The following KIF21A variants were observed in gnomAD, a reference collection of about 807,000 sequenced individuals.
The protein encoded by KIF21A is kinesin-like protein KIF21A.
In KIF21A, 114 loss-of-function variants were observed where a neutral mutation model predicts 202.9. That is an observed-to-expected ratio of 0.56 (90% CI 0.48 to 0.66). KIF21A has a LOEUF of 0.66. Among genes scored for constraint, KIF21A ranks in the 30% least tolerant of loss-of-function variants. KIF21A has a pLI of 0.00. For synonymous variants in KIF21A, 667 were observed against 670.8 expected (o/e 0.99, Z 0.09); for missense variants, 1,677 against 1,994.9 (o/e 0.84, Z 3.04).
intron 1 of KIF21A, among the ~76,000 whole-genome samples, chr12:39,374,183 A>G (rs771775744): frequency 1.3e-5 from 2 of 152,208 alleles, no homozygotes; most frequent in Non-Finnish European, 2.9e-5. Flanking sequence ...TTTATAATTG[A>G]TGAGTTTGAA....
chr12:39,422,612 T>C (rs1424021722), intron 1 of KIF21A, among the ~76,000 whole-genome samples: 1 of 152,188 alleles, frequency 6.6e-6, no homozygotes, highest in Non-Finnish European at 1.5e-5. Flanking sequence ...AATTAGCCAC[T>C]TTTTCCCAGT....
chr12:39,305,194 C>G (rs1421811895), intron 34 of KIF21A, among the ~76,000 whole-genome samples: 1 of 151,412 alleles, frequency 6.6e-6, no homozygotes, highest in African/African-American at 2.4e-5. Context: ...GGTGAAACCC[C>G]GTCTCTACTA....
At chr12:39,309,289 G>A (rs750104886) in intron 33 of KIF21A, among the ~76,000 whole-genome samples, 2 of 152,084 alleles carry the variant, frequency 1.3e-5, no homozygotes, top group African/African-American at 2.4e-5. Context: ...GTAAGAAATA[G>A]TATGAAAATG....
intron 22 of KIF21A, 40 bp downstream of exon 22, chr12:39,331,650 C>CA: frequency 1.5e-6 from 2 of 1,363,186 alleles, no homozygotes; most frequent in Non-Finnish European, 2.1e-6. Context: ...ATGAATTAGT[C>CA]AAAACTTAGA....
intron 1 of KIF21A, among the ~76,000 whole-genome samples, chr12:39,429,381 A>G (rs911410968): frequency 2.0e-5 from 3 of 152,204 alleles, no homozygotes; most frequent in Non-Finnish European, 4.4e-5. Context: ...TATCATATAA[A>G]TACAATGCTA....
intron 7 of KIF21A, among the ~76,000 whole-genome samples, chr12:39,360,297 A>G (rs1445603602): frequency 2.0e-5 from 3 of 152,048 alleles, no homozygotes; most frequent in Non-Finnish European, 2.9e-5. Context: ...ATTTTATTAT[A>G]TTGTATATTA....
At position 39,293,735 on chromosome 12, in the gene KIF21A, A is replaced by G. The variant is rs1591979541; in HGVS notation, c.*689T>C. On this transcript the variant is annotated 3_prime_UTR_variant, in exon 38 of 38. Coordinates refer to ENST00000361418, the MANE Select transcript of KIF21A (RefSeq NM_001173464.2). ...CACAGAATATATGCACAGCACTGGA[A>G]AAAAAAAAAAAAATTAACAGCATTT... The G allele has an allele frequency of 2.5e-5, 3 of 118,196 alleles. No homozygotes were observed. The highest frequency in any genetic ancestry group is 7.1e-4 in the East Asian group (2 of 2,820). 7.3% of individuals were successfully genotyped at this position (118,196 alleles called of 1,614,324 possible).
chr12:39,369,139 A>T, intron 3 of KIF21A, among the ~76,000 whole-genome samples: 1 of 152,170 alleles, frequency 6.6e-6, no homozygotes, highest in East Asian at 1.9e-4. Flanking sequence ...AGCCTGTCTA[A>T]ATTACAACAG....
At position 39,342,017 on chromosome 12, in the gene KIF21A, C is replaced by A. The variant is rs1371013543; in HGVS notation, c.1803+17G>T. ...ACCTGGTGACTAAAACTGACAAGTTCATTCTTTCATACTTACCACTTCTAA... is the reference window on the plus strand; with the variant it reads ...ACCTGGTGACTAAAACTGACAAGTTAATTCTTTCATACTTACCACTTCTAA... On this transcript the variant is annotated intron_variant, in intron 13 of 37. Coordinates refer to ENST00000361418, the MANE Select transcript of KIF21A (RefSeq NM_001173464.2). 3 of 1,559,028 alleles carry A rather than the reference C, an allele frequency of 1.9e-6. No individual in the cohort carries two copies. The highest frequency in any genetic ancestry group is 1.1e-5 in the South Asian group (1 of 89,696).
At chr12:39,373,395 G>C (rs1592400052) in intron 1 of KIF21A, among the ~76,000 whole-genome samples, 1 of 151,774 alleles carries the variant, frequency 6.6e-6, no homozygotes, top group Non-Finnish European at 1.5e-5. Context: ...ACTTGTTTTG[G>C]GAGCTCACAC....
At chr12:39,366,592 A>T (rs1949620488) in intron 5 of KIF21A, 75 bp from the exon 6 acceptor site, 3 of 1,115,182 alleles carry the variant, frequency 2.7e-6, no homozygotes, top group Non-Finnish European at 4.0e-6. Flanking sequence ...CCTTGCGCTT[A>T]TCCCATGTAC....
intron 34 of KIF21A, 70 bp from the exon 35 acceptor site, chr12:39,305,008 AAACGAT>A: frequency 1.3e-6 from 1 of 759,646 alleles, no homozygotes; most frequent in Non-Finnish European, 2.3e-6. Flanking sequence ...GCCTCAACAT[AAACGAT>A]CTACATTCTT....
chr12:39,366,185 A>G (rs1949591395), intron 6 of KIF21A, among the ~76,000 whole-genome samples, 165 bp downstream of exon 6: 2 of 152,204 alleles, frequency 1.3e-5, no homozygotes, highest in Non-Finnish European at 2.9e-5. Flanking sequence ...AAAAGCCTAC[A>G]ACATGAGGAG....
chr12:39,436,503 A>T (rs1938799868), intron 1 of KIF21A, among the ~76,000 whole-genome samples: 1 of 138,610 alleles, frequency 7.2e-6, no homozygotes, highest in South Asian at 2.3e-4. Context: ...TGCTGTGGCT[A>T]TTCACAGGAG....
Position 39,299,001 on chromosome 12 carries a change from ATAAG to A in KIF21A, c.4931+2475_4931+2478del, listed in dbSNP as rs1240788016. 1.5e-4 allele frequency among the ~76,000 whole-genome samples: 23 copies of A among 152,318 alleles called. No individual in the cohort carries two copies. In the East Asian group the frequency reaches 3.3e-3, roughly 22 times the overall value. On this transcript the variant is annotated intron_variant, in intron 37 of 37. Coordinates refer to ENST00000361418, the MANE Select transcript of KIF21A (RefSeq NM_001173464.2). ...TAAGCACTATATAAATATTTATTAA[ATAAG>A]TAAGTAGAACTAATTTTTTAAAATT...
At chr12:39,299,907 T>C (rs570964563) in intron 37 of KIF21A, among the ~76,000 whole-genome samples, 4 of 151,818 alleles carry the variant, frequency 2.6e-5, no homozygotes, top group African/African-American at 9.7e-5. Flanking sequence ...TGATGAGAAC[T>C]CATAGACACA....
chr12:39,410,512 A>C (rs1953002446), intron 1 of KIF21A, among the ~76,000 whole-genome samples: 1 of 152,216 alleles, frequency 6.6e-6, no homozygotes, highest in African/African-American at 2.4e-5. Flanking sequence ...CTTAGTAACT[A>C]ATAAAGCAGA....
intron 3 of KIF21A, 45 bp from the exon 4 acceptor site, chr12:39,368,077 G>A (rs1385373792): frequency 8.0e-7 from 1 of 1,256,186 alleles, no homozygotes; most frequent in Non-Finnish European, 1.2e-6. Flanking sequence ...GAAATTGTCT[G>A]GGTAGTTGTC....
chr12:39,433,112 T>C (rs1420046828), intron 1 of KIF21A, among the ~76,000 whole-genome samples: 1 of 152,194 alleles, frequency 6.6e-6, no homozygotes, highest in East Asian at 1.9e-4. Context: ...CCTGATAATT[T>C]TTCTAATGTG....
Sources: gnomAD v4.1 joint callset for allele counts (sites outside exome capture counted in the v4.1 genomes callset) on GRCh38, gnomAD v4.1.1 for gene constraint, MANE v1.5 for transcripts, NCBI Gene and HGNC (gene_info 2026-07-23, HGNC 2026-07-21) for gene names.